DPP10: variants seen among roughly 807,000 people sequenced by gnomAD.
DPP10 encodes dipeptidyl peptidase like 10.
Under a neutral mutation model 120.9 loss-of-function variants are expected in DPP10, and 33 were observed. The ratio of observed to expected loss-of-function variants is 0.27; its 90% CI spans 0.21 to 0.37. The LOEUF is 0.37. DPP10 is among the 10% of genes least tolerant of loss of function. The probability of loss-of-function intolerance (pLI) is 1.00; values close to 1 mark genes in which losing one functional copy is unlikely to be tolerated. For missense variants in DPP10, 816 were observed against 942.8 expected (o/e 0.87, Z 1.76); for synonymous variants, 337 against 326.1 (o/e 1.03, Z -0.36).
chr2:115,837,082 A>G (rs1018066524), intron 24 of DPP10, among the ~76,000 whole-genome samples: 1 of 152,170 alleles, frequency 6.6e-6, no homozygotes, highest in African/African-American at 2.4e-5. Flanking sequence ...ATTTTAATTT[A>G]AAAAGGCACT....
At chr2:114,962,316 C>T (rs370268586) in intron 1 of DPP10, among the ~76,000 whole-genome samples, 3 of 151,932 alleles carry the variant, frequency 2.0e-5, no homozygotes, top group South Asian at 2.1e-4. Context: ...GAAAATGTGA[C>T]GGTAAAAGAA....
intron 1 of DPP10, among the ~76,000 whole-genome samples, chr2:114,456,366 A>T (rs895183134): frequency 6.6e-6 from 1 of 152,254 alleles, no homozygotes; most frequent in Non-Finnish European, 1.5e-5. Flanking sequence ...TTTTAAGTCC[A>T]TTTGGACTAG....
At chr2:115,774,652 G>A (rs1681882270) in intron 13 of DPP10, among the ~76,000 whole-genome samples, 1 of 152,074 alleles carries the variant, frequency 6.6e-6, no homozygotes, top group African/African-American at 2.4e-5. Flanking sequence ...ATATAAAGAA[G>A]TCACAGGCTT....
intron 1 of DPP10, among the ~76,000 whole-genome samples, chr2:115,177,374 C>T (rs2053762613): frequency 6.6e-6 from 1 of 152,164 alleles, no homozygotes; most frequent in African/African-American, 2.4e-5. Context: ...CTGATTTAAG[C>T]CTTATTTTTC....
intron 1 of DPP10, among the ~76,000 whole-genome samples, chr2:115,147,279 A>G (rs1190721650): frequency 6.6e-6 from 1 of 151,942 alleles, no homozygotes; most frequent in Non-Finnish European, 1.5e-5. Flanking sequence ...GGAAAAAGTC[A>G]TTATTGCAGG....
At chr2:114,479,921 A>C (rs1451869642) in intron 1 of DPP10, among the ~76,000 whole-genome samples, 3 of 152,126 alleles carry the variant, frequency 2.0e-5, no homozygotes, top group Non-Finnish European at 4.4e-5. Flanking sequence ...ATCAGAGTGA[A>C]CAGGCAACCT....
chr2:114,899,682 GC>G (rs1216718960), intron 1 of DPP10, among the ~76,000 whole-genome samples: 1 of 152,164 alleles, frequency 6.6e-6, no homozygotes, highest in Non-Finnish European at 1.5e-5. Flanking sequence ...TTAGGGCCAG[GC>G]GCGGTGGCTC....
chr2:115,732,579 T>C (rs115068917), intron 8 of DPP10, among the ~76,000 whole-genome samples: 1,768 of 152,288 alleles, frequency 0.012, 35 homozygotes, highest in African/African-American at 0.038. Flanking sequence ...CCTAGCAATG[T>C]AATTAAATAC....
intron 1 of DPP10, among the ~76,000 whole-genome samples, chr2:114,697,126 T>G (rs1273817033): frequency 6.6e-6 from 1 of 152,092 alleles, no homozygotes; most frequent in Non-Finnish European, 1.5e-5. Flanking sequence ...AACACCTTTT[T>G]CATAGGAATA....
At chr2:115,496,058 C>T (rs2076379783) in intron 3 of DPP10, among the ~76,000 whole-genome samples, 1 of 151,910 alleles carries the variant, frequency 6.6e-6, no homozygotes, top group Admixed American at 6.6e-5. Flanking sequence ...TGAAGGATCA[C>T]TATTAGTCTG....
chr2:115,768,823 G>T (rs1328353010), intron 13 of DPP10, among the ~76,000 whole-genome samples: 1 of 151,994 alleles, frequency 6.6e-6, no homozygotes, highest in Non-Finnish European at 1.5e-5. Flanking sequence ...ATCAAAAATT[G>T]ATGGTTGAAT....
intron 1 of DPP10, among the ~76,000 whole-genome samples, chr2:115,188,061 AAGAGAGAG>A (rs59672278): frequency 1.4e-5 from 2 of 146,980 alleles, no homozygotes; most frequent in Non-Finnish European, 3.0e-5. Context: ...GAGAGAGGCA[AAGAGAGAG>A]AGAGAGAGAG....
chr2:115,364,770 C>T (rs528028409), intron 3 of DPP10, among the ~76,000 whole-genome samples: 1 of 152,090 alleles, frequency 6.6e-6, no homozygotes, highest in East Asian at 1.9e-4. Flanking sequence ...CAGTATCTAG[C>T]ACGTAGTTAC....
intron 1 of DPP10, among the ~76,000 whole-genome samples, chr2:114,899,322 C>A (rs1446747343): frequency 4.6e-5 from 7 of 150,990 alleles, no homozygotes; most frequent in Non-Finnish European, 1.0e-4. Flanking sequence ...TAGACAACCA[C>A]GAAAAAAATG....
intron 3 of DPP10, among the ~76,000 whole-genome samples, chr2:115,488,806 A>G (rs1162681285): frequency 8.1e-5 from 11 of 135,300 alleles, no homozygotes; most frequent in Non-Finnish European, 1.4e-4. Context: ...GGTGCAGCGC[A>G]CCAGCATGGC....
chr2:115,641,491 C>A (rs541109672), intron 5 of DPP10, among the ~76,000 whole-genome samples: 9 of 152,194 alleles, frequency 5.9e-5, no homozygotes, highest in Admixed American at 2.6e-4. Context: ...TCAGAGAGAC[C>A]TCTTTAAACC....
At chr2:115,709,239 G>A (rs1311498553) in intron 7 of DPP10, among the ~76,000 whole-genome samples, 3 of 152,050 alleles carry the variant, frequency 2.0e-5, no homozygotes, top group Admixed American at 2.0e-4. Context: ...TAGGAAATCC[G>A]ACTGTCGTTT....
intron 1 of DPP10, among the ~76,000 whole-genome samples, chr2:114,769,364 C>G (rs1046607537): frequency 6.6e-6 from 1 of 152,124 alleles, no homozygotes; most frequent in Non-Finnish European, 1.5e-5. Flanking sequence ...ACTCTTCCCC[C>G]AGAGCCAGAA....
intron 1 of DPP10, among the ~76,000 whole-genome samples, chr2:114,644,101 T>C (rs1695930309): frequency 1.0e-5 from 1 of 99,072 alleles, no homozygotes; most frequent in Non-Finnish European, 2.2e-5. Context: ...TGCCCAGCTA[T>C]TTTTTTTTTT....
Sources: allele counts gnomAD v4.1 joint callset (sites outside exome capture counted in the v4.1 genomes callset), GRCh38; gene constraint gnomAD v4.1.1; transcripts MANE v1.5; gene names NCBI Gene and HGNC (gene_info 2026-07-23, HGNC 2026-07-21).